Variants in MGRN1 observed in about 807,000 individuals in gnomAD.
MGRN1 encodes the protein mahogunin ring finger 1.
MGRN1 carries 29 observed loss-of-function variants against 69.2 expected under a neutral mutation model. The ratio of observed to expected loss-of-function variants is 0.42; its 90% CI spans 0.31 to 0.57. The LOEUF (loss-of-function observed/expected upper bound fraction) is 0.57. MGRN1 is among the 20% of genes least tolerant of loss of function. The pLI, the probability that MGRN1 is intolerant of heterozygous loss-of-function variation, is 0.15. For missense variants in MGRN1, 998 were observed against 796.2 expected, an observed-to-expected ratio of 1.25 and a Z score of -3.05; for synonymous variants, 470 against 344.2, an observed-to-expected ratio of 1.37 and a Z score of -4.04.
intron 5 of MGRN1, chr16:4,659,187 A>G (rs887786644): frequency 3.3e-5 from 5 of 152,142 alleles, no homozygotes; most frequent in East Asian, 1.9e-4. Context: ...TAAAAATAAA[A>G]TAAAAGTAAA....
intron 9 of MGRN1, 32 bp from the exon 10 acceptor site, chr16:4,673,466 G>A (rs368065824): frequency 6.2e-7 from 1 of 1,604,464 alleles, no homozygotes. Context: ...GCCTTTGGGA[G>A]GCTGCTGACC....
chr16:4,679,889 C>T lies in MGRN1; in HGVS notation c.1066-143C>T. ...GACCCGAGTCAACCCTCACTTAGGA[C>T]AGTCCCGAGATTCACGTCCCCCGGA... On this transcript the variant is annotated intron_variant, in intron 11 of 16. Transcript: ENST00000262370. The T allele has an allele frequency of 2.6e-6, 2 of 769,422 alleles. 1 individual carries two copies. The highest frequency in any genetic ancestry group is 3.4e-5 in the South Asian group (2 of 58,986). 47.7% of individuals were successfully genotyped at this position (769,422 alleles called of 1,614,324 possible). A position where few individuals can be genotyped will look rare whatever the true frequency, so the allele number is the denominator to read the frequency against.
At chr16:4,673,016 T>G (rs563479194) in intron 9 of MGRN1, among the ~76,000 whole-genome samples, 26 of 152,168 alleles carry the variant, frequency 1.7e-4, no homozygotes, top group African/African-American at 6.3e-4. Flanking sequence ...TTTTTTGTAT[T>G]TTTAGTAGAG....
At chr16:4,625,541 G>C (rs1426213933) in intron 1 of MGRN1, among the ~76,000 whole-genome samples, 1 of 152,216 alleles carries the variant, frequency 6.6e-6, no homozygotes, top group Admixed American at 6.5e-5. Context: ...GTGTGGGTTG[G>C]AGGAGTGGGG....
intron 12 of MGRN1, 95 bp downstream of exon 12, chr16:4,680,192 G>A: frequency 8.0e-7 from 1 of 1,248,942 alleles, no homozygotes; most frequent in Non-Finnish European, 1.1e-6. Context: ...CCAGGCTAGT[G>A]TCTGATTCAT....
Position 4,624,872 on chromosome 16 carries a change from C to T in MGRN1, c.-89C>T. 8.6e-7 allele frequency: 1 copy of T among 1,160,798 alleles called. No individual in the cohort carries two copies. The highest frequency in any genetic ancestry group is 1.2e-6 in the Non-Finnish European group (1 of 862,850). The allele number at this position is 1,160,798 out of a possible 1,614,324, so 71.9% of individuals were successfully genotyped here. A position where few individuals can be genotyped will look rare whatever the true frequency, so the allele number is the denominator to read the frequency against. ...GGCCGTGGACGAGCGTCCGTGCGGC[C>T]TGGTCCGGGCCATGTCCGCGTGAGG... On this transcript the variant is annotated 5_prime_UTR_variant, in exon 1 of 17. Coordinates refer to ENST00000262370, the MANE Select transcript of MGRN1 (RefSeq NM_015246.4).
chr16:4,683,193 G>A lies in MGRN1; in HGVS notation c.1483-31G>A, dbSNP rs1596318422. ...TGGAGCGGTGGCCGCGGCTCTCTGA[G>A]CTCTAGGCTACTTTCCCCTTTGTTT... On this transcript the variant is annotated intron_variant, in intron 14 of 16. Transcript: ENST00000262370. 3 of 1,612,384 alleles carry A rather than the reference G, an allele frequency of 1.9e-6. No homozygotes were observed. The East Asian group carries it at 6.7e-5, about 36-fold the overall frequency.
chr16:4,625,155 G>T, intron 1 of MGRN1, 107 bp downstream of exon 1: 1 of 1,076,410 alleles, frequency 9.3e-7, no homozygotes, highest in Non-Finnish European at 1.3e-6. Flanking sequence ...GGCCCCCTCC[G>T]GGCCTCGTTG....
intron 1 of MGRN1, 125 bp downstream of exon 1, chr16:4,625,173 GAGCCTTCGCGCGGCCCCA>G: frequency 5.4e-6 from 5 of 920,178 alleles, no homozygotes; most frequent in Non-Finnish European, 6.0e-6. Flanking sequence ...TTGCTACCCC[GAGCCTTCGCGCGGCCCCA>G]CGGCCCCGAT....
intron 7 of MGRN1, 90 bp from the exon 8 acceptor site, chr16:4,668,175 G>T: frequency 1.0e-6 from 1 of 986,798 alleles, no homozygotes; most frequent in South Asian, 1.7e-5. Flanking sequence ...TGGATTGGCT[G>T]GGGCAGGGTG....
In MGRN1 at chr16:4,657,357, T is replaced by C. The variant is rs1359269710; in HGVS notation, c.555T>C (p.Asp185=). ...AGATTGACTTCTCGGAATGGAAGGA[T>C]GACGAGGTAATGCTGGCTGGGCGGC... ...SFKIDFSEWK[D]DELNFDLDRG... Residue 185 remains aspartate, a synonymous_variant, in exon 5 of 17, where the codon GAT becomes GAC. Transcript: ENST00000262370. 6 of 1,613,884 alleles carry C rather than the reference T, an allele frequency of 3.7e-6. No homozygotes were observed. Among genetic ancestry groups the C allele is most frequent in the Non-Finnish European group, 4.2e-6 (5 of 1,179,742 alleles).
chr16:4,656,882 AAAATAAATAAATAAATAAATAAAT>A (rs57256799), intron 4 of MGRN1, among the ~76,000 whole-genome samples: 2 of 146,724 alleles, frequency 1.4e-5, no homozygotes, highest in Non-Finnish European at 3.0e-5. Context: ...TCTTATCTCA[AAAATAAATAAATAAATAAATAAAT>A]AAATAAATAA....
intron 16 of MGRN1, 96 bp from the exon 17 acceptor site, chr16:4,688,700 A>C (rs1567250204): frequency 7.5e-6 from 11 of 1,458,680 alleles, no homozygotes; most frequent in Non-Finnish European, 9.1e-7. Flanking sequence ...GGGGTGCTGG[A>C]TGGCCCAGCC....
chr16:4,632,789 A>G (rs960780870), intron 1 of MGRN1, among the ~76,000 whole-genome samples: 3 of 152,134 alleles, frequency 2.0e-5, no homozygotes, highest in Admixed American at 2.0e-4. Flanking sequence ...TGGCCATGAA[A>G]CAGTCACTCA....
chr16:4,629,147 CGTATGTGTGTGTGTGTGT>C (rs1459823583), intron 1 of MGRN1, among the ~76,000 whole-genome samples: 5 of 48,686 alleles, frequency 1.0e-4, no homozygotes, highest in Admixed American at 4.3e-4. Context: ...GCTTTCTGTT[CGTATGTGTGTGTGTGTGT>C]GTGTGTGTGT....
At chr16:4,686,866 C>T in intron 16 of MGRN1, 1 of 985,658 alleles carries the variant, frequency 1.0e-6, no homozygotes, top group Non-Finnish European at 1.2e-6. Context: ...AAGAATGCGC[C>T]CCGATTGGGA....
intron 3 of MGRN1, 152 bp downstream of exon 3, chr16:4,652,203 C>T (rs1228811459): frequency 1.5e-5 from 11 of 715,532 alleles, no homozygotes; most frequent in African/African-American, 5.3e-5. Context: ...CTGGGCTGAG[C>T]GAGGGAAAGG....
chr16:4,670,529 A>C (rs1243581771), intron 8 of MGRN1, among the ~76,000 whole-genome samples: 1 of 152,240 alleles, frequency 6.6e-6, no homozygotes, highest in Non-Finnish European at 1.5e-5. Flanking sequence ...GATAGGTGTA[A>C]GCCACTGCAC....
Position 4,683,889 on chromosome 16 carries a change from C to G in MGRN1, c.1575C>G (p.Pro525=), listed in dbSNP as rs772237942. 6.2e-7 allele frequency: 1 copy of G among 1,611,534 alleles called. No homozygotes were observed. The highest frequency in any genetic ancestry group is 8.5e-7 in the Non-Finnish European group (1 of 1,179,004). Residue 525 remains proline, a synonymous_variant, in exon 16 of 17, where the codon CCC becomes CCG. Transcript: ENST00000262370. ...AGAATGTCCTGCAGGACAGCAGCCC[C>G]GAGCACTGTGGCCGAGGCCCACCTG... is the stretch of plus-strand genomic sequence containing the variant. ...SIENVLQDSS[P]EHCGRGPPAD...
Sources: gnomAD v4.1 joint callset for allele counts (sites outside exome capture counted in the v4.1 genomes callset) on GRCh38, gnomAD v4.1.1 for gene constraint, MANE v1.5 for transcripts, NCBI Gene and HGNC (gene_info 2026-07-23, HGNC 2026-07-21) for gene names.